Variants in POU2F2 observed in about 807,000 individuals in gnomAD.
POU2F2 encodes the protein POU domain, class 2, transcription factor 2.
POU2F2 carries 14 observed loss-of-function variants against 63.5 expected under a neutral mutation model. That is an observed-to-expected ratio of 0.22 (90% confidence interval 0.15 to 0.34). POU2F2 has a LOEUF of 0.34. Among genes scored for constraint, POU2F2 ranks in the 10% least tolerant of loss-of-function variants. POU2F2 has a pLI of 1.00. For synonymous variants in POU2F2, 306 were observed against 348.6 expected, an observed-to-expected ratio of 0.88 and a Z score of 1.36; for missense variants, 607 against 815.2, an observed-to-expected ratio of 0.74 and a Z score of 3.11.
chr19:42,148,883 C>A (rs1055345246), intron 2 of POU2F2, among the ~76,000 whole-genome samples: 1 of 152,068 alleles, frequency 6.6e-6, no homozygotes, highest in East Asian at 1.9e-4. Flanking sequence ...GGACATGGAC[C>A]CAGGCGTCTT....
rs903386256 is a variant in POU2F2 at position 42,087,146 on chromosome 19, T to C, written c.*4111A>G. ...AGCGGAGTTGTCTGTGGGTTTTTTT[T>C]TTTTTTTAAATGGTTAAATCTTTGG... On this transcript the variant is annotated 3_prime_UTR_variant, in exon 15 of 15. Transcript: ENST00000692977. The C allele has an allele frequency of 1.3e-5, 2 of 151,430 alleles. No homozygotes were observed. The highest frequency in any genetic ancestry group is 2.9e-5 in the Non-Finnish European group (2 of 67,910). The allele number at this position is 151,430 out of a possible 1,614,324, so 9.4% of individuals were successfully genotyped here.
chr19:42,148,832 C>A (rs1288782967), intron 2 of POU2F2, among the ~76,000 whole-genome samples: 2 of 150,234 alleles, frequency 1.3e-5, no homozygotes, highest in Admixed American at 1.3e-4. Flanking sequence ...ATGAACCAGA[C>A]ACCAGTGATG....
chr19:42,108,249 G>A (rs569219679), intron 5 of POU2F2, among the ~76,000 whole-genome samples: 2 of 152,278 alleles, frequency 1.3e-5, no homozygotes, highest in East Asian at 3.9e-4. Context: ...AAGGCACTTG[G>A]GCATGGTGAT....
chr19:42,126,167 G>A (rs1426082101), intron 1 of POU2F2, among the ~76,000 whole-genome samples: 1 of 152,122 alleles, frequency 6.6e-6, no homozygotes, highest in African/African-American at 2.4e-5. Flanking sequence ...AAGAGGGGGC[G>A]GGCGCGGTGG....
intron 1 of POU2F2, among the ~76,000 whole-genome samples, chr19:42,161,518 AT>A (rs1343739563): frequency 6.6e-6 from 1 of 152,004 alleles, no homozygotes; most frequent in South Asian, 2.1e-4. Context: ...GGAGTGAGGA[AT>A]TAAGGGAGGC....
chr19:42,152,787 C>A lies in POU2F2; in HGVS notation c.-9+7545G>T, dbSNP rs547679113. ...AAGGGGGCTGGGAGAAATTGAGGGACAATTTCTGGGAGAAAGCAGGCATCC... is the reference window on the plus strand; with the variant it reads ...AAGGGGGCTGGGAGAAATTGAGGGAAAATTTCTGGGAGAAAGCAGGCATCC... On this transcript the variant is annotated intron_variant, in intron 2 of 6. Transcript: ENST00000524801. This position sits in a 1 kb window ranked among gnomAD's most constrained non-coding sequence, Gnocchi z 4.1. 20 of 152,440 alleles carry A rather than the reference C, an allele frequency of 1.3e-4. No homozygotes were observed. Among genetic ancestry groups the A allele is most frequent in the African/African-American group, 4.8e-4 (20 of 41,556 alleles). The allele number at this position is 152,440 out of a possible 1,614,324, so 9.4% of individuals were successfully genotyped here.
intron 1 of POU2F2, among the ~76,000 whole-genome samples, chr19:42,125,377 G>C (rs2033099258): frequency 1.5e-5 from 2 of 135,160 alleles, no homozygotes; most frequent in Admixed American, 1.5e-4. Flanking sequence ...AAAAAAAAAA[G>C]ATGTAGACTG....
At chr19:42,181,571 C>CATTTATTTATTTATTT (rs143264132) in intron 1 of POU2F2, among the ~76,000 whole-genome samples, 16 of 148,388 alleles carry the variant, frequency 1.1e-4, no homozygotes, top group South Asian at 2.2e-4. Flanking sequence ...TCTGAACATA[C>CATTTATTTATTTATTT]ATTTATTTAT....
intron 11 of POU2F2, among the ~76,000 whole-genome samples, chr19:42,094,595 C>T (rs1418506748): frequency 6.6e-6 from 1 of 152,232 alleles, no homozygotes; most frequent in Non-Finnish European, 1.5e-5. Context: ...CTTCCCCAAC[C>T]TCATTCATAT....
intron 5 of POU2F2, among the ~76,000 whole-genome samples, chr19:42,109,622 C>T (rs1211656670): frequency 3.9e-5 from 6 of 152,098 alleles, no homozygotes; most frequent in Admixed American, 1.3e-4. Flanking sequence ...TTCAAAATAT[C>T]AAAGACAGAG....
chr19:42,142,774 G>A (rs549642688), intron 2 of POU2F2, among the ~76,000 whole-genome samples: 22 of 151,360 alleles, frequency 1.5e-4, no homozygotes, highest in African/African-American at 5.1e-4. Context: ...ATGTTGCATG[G>A]GCTGGTCTTG....
At position 42,122,340 on chromosome 19, in the gene POU2F2, T is replaced by G; in HGVS notation, c.129+4A>C. 1.2e-6 allele frequency: 1 copy of G among 855,634 alleles called. No homozygotes were observed. 53.0% of individuals were successfully genotyped at this position (855,634 alleles called of 1,614,324 possible). ...CCCCTCCCGCTTATCCACTCCCTCC[T>G]AACCTGATGATTAGTGTCTGGTCCA... is the stretch of plus-strand genomic sequence containing the variant. On this transcript the variant is annotated splice_donor_region_variant and intron_variant, in intron 3 of 14. Transcript: ENST00000692977.
At chr19:42,139,796 G>A (rs889496496) in intron 2 of POU2F2, among the ~76,000 whole-genome samples, 1 of 152,242 alleles carries the variant, frequency 6.6e-6, no homozygotes, top group South Asian at 2.1e-4. Context: ...ATGGACTGAC[G>A]GCTCAACTGG....
intron 2 of POU2F2, among the ~76,000 whole-genome samples, chr19:42,147,047 G>GC (rs1478133186): frequency 6.6e-6 from 1 of 152,128 alleles, no homozygotes; most frequent in African/African-American, 2.4e-5. Flanking sequence ...TCTCCCCTTG[G>GC]CCCCCAAAGG....
intron 2 of POU2F2, among the ~76,000 whole-genome samples, chr19:42,147,002 T>C (rs750017362): frequency 6.6e-6 from 1 of 152,140 alleles, no homozygotes; most frequent in Non-Finnish European, 1.5e-5. Flanking sequence ...TCCCCGAAGG[T>C]GTCCCTTCTT....
chr19:42,104,220 C>G (rs920084469), intron 5 of POU2F2, among the ~76,000 whole-genome samples: 2 of 152,062 alleles, frequency 1.3e-5, no homozygotes, highest in Non-Finnish European at 2.9e-5. Context: ...GTGTGTAATA[C>G]CACATTGGGG....
At chr19:42,111,583 C>T (rs1343483197) in intron 5 of POU2F2, among the ~76,000 whole-genome samples, 2 of 152,158 alleles carry the variant, frequency 1.3e-5, no homozygotes, top group African/African-American at 4.8e-5. Flanking sequence ...CTACCCCAGC[C>T]TTCCAAAACA....
At chr19:42,104,770 C>T (rs944119351) in intron 5 of POU2F2, among the ~76,000 whole-genome samples, 1 of 152,174 alleles carries the variant, frequency 6.6e-6, no homozygotes, top group Non-Finnish European at 1.5e-5. Context: ...TGTACCTGGT[C>T]TGAGTAAATA....
chr19:42,189,417 T>C (rs553871034), intron 1 of POU2F2, among the ~76,000 whole-genome samples: 1 of 152,300 alleles, frequency 6.6e-6, no homozygotes, highest in Non-Finnish European at 1.5e-5. Context: ...CTGATTTATG[T>C]TGTACCCAGG....
Sources: allele counts gnomAD v4.1 joint callset (sites outside exome capture counted in the v4.1 genomes callset), GRCh38; gene constraint gnomAD v4.1.1; non-coding constraint Gnocchi (gnomAD v3.1); transcripts MANE v1.5; gene names NCBI Gene and HGNC (gene_info 2026-07-23, HGNC 2026-07-21).